Variants in ITGA2 observed in about 807,000 individuals in gnomAD.
ITGA2 encodes the protein integrin subunit alpha 2, also known as integrin alpha-2.
Under a neutral mutation model 146.3 loss-of-function variants are expected in ITGA2, and 101 were observed. That is an observed-to-expected ratio of 0.69 (90% CI 0.59 to 0.81). The LOEUF (loss-of-function observed/expected upper bound fraction) is 0.81, where lower values mean the gene tolerates loss of function less well. ITGA2 is among the 40% of genes least tolerant of loss of function. The probability of loss-of-function intolerance (pLI) is 0.00; values close to 1 mark genes in which losing one functional copy is unlikely to be tolerated. For synonymous variants in ITGA2, 477 were observed against 487.1 expected (o/e 0.98, Z 0.27); for missense variants, 1,281 against 1,402.7 (o/e 0.91, Z 1.39).
chr5:53,048,354 T>G lies in ITGA2; in HGVS notation c.388-9T>G. 1.2e-6 allele frequency: 2 copies of G among 1,606,206 alleles called. No homozygotes were observed. Among genetic ancestry groups the G allele is most frequent in the Non-Finnish European group, 1.7e-6 (2 of 1,172,760 alleles). ...TGTTTCCATTGATTGTTTTCTCATT[T>G]CTTTGAAGACATGTGGTCCTCTGTG... is the stretch of plus-strand genomic sequence containing the variant. On this transcript the variant is annotated splice_polypyrimidine_tract_variant and intron_variant, in intron 4 of 29. Coordinates refer to ENST00000296585, the MANE Select transcript of ITGA2 (RefSeq NM_002203.4).
intron 1 of ITGA2, among the ~76,000 whole-genome samples, chr5:53,020,476 G>A (rs914611436): frequency 6.6e-6 from 1 of 152,078 alleles, no homozygotes; most frequent in Non-Finnish European, 1.5e-5. Context: ...ATGAAAGTAA[G>A]AGTCAAATGC....
At chr5:53,038,207 TA>T (rs34975562) in intron 2 of ITGA2, among the ~76,000 whole-genome samples, 44,726 of 144,190 alleles carry the variant, frequency 0.31, 8,140 homozygotes, top group Middle Eastern at 0.45. Flanking sequence ...GAGGCTCTGA[TA>T]AAAAAAAAAA....
intron 10 of ITGA2, 123 bp downstream of exon 10, chr5:53,058,224 C>G: frequency 2.6e-6 from 2 of 761,920 alleles, no homozygotes; most frequent in South Asian, 2.9e-5. Flanking sequence ...TTCCTAGTCA[C>G]GGTCATTTAG....
intron 9 of ITGA2, among the ~76,000 whole-genome samples, chr5:53,057,750 C>T (rs928042050): frequency 6.6e-6 from 1 of 151,974 alleles, no homozygotes; most frequent in Non-Finnish European, 1.5e-5. Context: ...GAACGTCATA[C>T]ATATTCTGCT....
In ITGA2 at chr5:53,091,082, G is replaced by T. The variant is rs1034269446; in HGVS notation, c.*483G>T. ...ATGAATATTGATGTTAACAAGAGGG[G>T]AAAACAAAACACAGGTTTTTTCAAT... On this transcript the variant is annotated 3_prime_UTR_variant, in exon 30 of 30. Transcript: ENST00000296585. 2.6e-5 allele frequency: 6 copies of T among 229,900 alleles called. No individual in the cohort carries two copies. The highest frequency in any genetic ancestry group is 1.1e-4 in the Admixed American group (2 of 18,902). 14.2% of individuals were successfully genotyped at this position (229,900 alleles called of 1,614,324 possible).
intron 29 of ITGA2, 146 bp downstream of exon 29, chr5:53,090,208 A>C (rs1740343202): frequency 1.4e-6 from 1 of 711,096 alleles, no homozygotes; most frequent in Admixed American, 2.3e-5. Context: ...TTTCTTACTC[A>C]TGTCATTAAA....
chr5:53,087,015 T>C lies in ITGA2; in HGVS notation c.3322T>C (p.Tyr1108His). 1.9e-6 allele frequency: 3 copies of C among 1,613,542 alleles called. No homozygotes were observed. Among genetic ancestry groups the C allele is most frequent in the Non-Finnish European group, 2.5e-6 (3 of 1,179,596 alleles). The change falls in exon 28 of 30, where the codon TAT becomes CAT. Residue 1108 changes from tyrosine to histidine, a missense_variant. Tyr to His is a moderately conservative substitution (Grantham distance 83). Transcript: ENST00000296585. ...AEINTYNPEI[Y>H]VIEDNTVTIP... ...AATCAACACCTATAACCCTGAGATA[T>C]ATGTGATTGAAGATAACACTGTTAC...
intron 1 of ITGA2, among the ~76,000 whole-genome samples, chr5:53,018,000 G>T (rs1742479696): frequency 6.6e-6 from 1 of 152,052 alleles, no homozygotes; most frequent in African/African-American, 2.4e-5. Context: ...GGCCAGGCAT[G>T]GTCTGTCAGT....
chr5:53,083,746 C>T (rs781517845), intron 27 of ITGA2, among the ~76,000 whole-genome samples: 1 of 152,174 alleles, frequency 6.6e-6, no homozygotes, highest in Non-Finnish European at 1.5e-5. Flanking sequence ...CGGCCCTGGG[C>T]TACAAGGGGC....
chr5:53,055,714 C>T, intron 8 of ITGA2, 26 bp downstream of exon 8: 2 of 1,611,552 alleles, frequency 1.2e-6, no homozygotes, highest in Non-Finnish European at 1.7e-6. Flanking sequence ...TTTCACTTGT[C>T]TTGCCGCTAT....
chr5:53,028,863 GGAA>G (rs1369526741), intron 2 of ITGA2, among the ~76,000 whole-genome samples: 1 of 152,182 alleles, frequency 6.6e-6, no homozygotes, highest in Non-Finnish European at 1.5e-5. Flanking sequence ...CCACCCTGAT[GGAA>G]GCCAACACCA....
At chr5:53,060,355 G>A (rs1579869765) in intron 11 of ITGA2, among the ~76,000 whole-genome samples, 1 of 151,896 alleles carries the variant, frequency 6.6e-6, no homozygotes, top group Admixed American at 6.6e-5. Context: ...CTTATAATAA[G>A]CAGCCACTGA....
At chr5:53,084,799 G>A (rs1259759723) in intron 27 of ITGA2, among the ~76,000 whole-genome samples, 1 of 151,870 alleles carries the variant, frequency 6.6e-6, no homozygotes, top group Non-Finnish European at 1.5e-5. Flanking sequence ...AACACTGACT[G>A]TTGCACATCA....
intron 2 of ITGA2, among the ~76,000 whole-genome samples, chr5:53,041,585 G>A (rs958815304): frequency 5.3e-5 from 8 of 152,052 alleles, no homozygotes; most frequent in East Asian, 1.9e-4. Flanking sequence ...TGAACAATAC[G>A]TAGCCACGAG....
At chr5:53,037,292 A>G (rs1457135042) in intron 2 of ITGA2, among the ~76,000 whole-genome samples, 1 of 152,250 alleles carries the variant, frequency 6.6e-6, no homozygotes, top group Non-Finnish European at 1.5e-5. Flanking sequence ...ACTGGAGGAA[A>G]AGAAAAGTTT....
chr5:53,027,718 A>T (rs1340655327), intron 2 of ITGA2, among the ~76,000 whole-genome samples: 1 of 152,154 alleles, frequency 6.6e-6, no homozygotes, highest in East Asian at 1.9e-4. Context: ...GGAACTTCAG[A>T]TTCTGAATCT....
At chr5:53,063,444 AG>A (rs1430134101) in intron 13 of ITGA2, among the ~76,000 whole-genome samples, 1 of 151,886 alleles carries the variant, frequency 6.6e-6, no homozygotes, top group Non-Finnish European at 1.5e-5. Context: ...CAACTCTTGA[AG>A]TTTCAAGTCC....
chr5:53,053,427 T>A (rs528027203), intron 7 of ITGA2, among the ~76,000 whole-genome samples: 2 of 152,256 alleles, frequency 1.3e-5, no homozygotes, highest in Admixed American at 6.5e-5. Context: ...CACAGCAAAC[T>A]GGACTAAAAG....
rs1490915112 is a variant in ITGA2, at chr5:53,093,785, A to C, written c.*3186A>C. 4 of 152,652 alleles carry C rather than the reference A, an allele frequency of 2.6e-5. No homozygotes were observed. Among genetic ancestry groups the C allele is most frequent in the African/African-American group, 9.6e-5 (4 of 41,464 alleles). 9.5% of individuals were successfully genotyped at this position (152,652 alleles called of 1,614,324 possible). On this transcript the variant is annotated 3_prime_UTR_variant, in exon 30 of 30. Coordinates refer to ENST00000296585, the MANE Select transcript of ITGA2 (RefSeq NM_002203.4). ...ATGGTGTACAGACAAGGTCTATAGA[A>C]TGTGGTAAAAACTTGACTGCAACAC...
Sources: gnomAD v4.1 joint callset for allele counts (sites outside exome capture counted in the v4.1 genomes callset) on GRCh38, gnomAD v4.1.1 for gene constraint, MANE v1.5 for transcripts, NCBI Gene and HGNC (gene_info 2026-07-23, HGNC 2026-07-21) for gene names.